The following SGCZ variants were observed in gnomAD, a reference collection of about 807,000 sequenced individuals.
SGCZ encodes the protein sarcoglycan zeta.
In SGCZ, 40 loss-of-function variants were observed where a neutral mutation model predicts 41.3. The observed-to-expected ratio is 0.97, with a 90% CI of 0.75 to 1.26. SGCZ has a LOEUF of 1.26. Among genes scored for constraint, SGCZ ranks in the 50% most tolerant of loss-of-function variants. The probability of loss-of-function intolerance (pLI) is 0.00; values close to 1 mark genes in which losing one functional copy is unlikely to be tolerated. For synonymous variants in SGCZ, 206 were observed against 137.5 expected, an observed-to-expected ratio of 1.50 and a Z score of -3.49; for missense variants, 552 against 369.8, an observed-to-expected ratio of 1.49 and a Z score of -4.04.
At chr8:14,306,054 A>G (rs1801340515) in intron 3 of SGCZ, among the ~76,000 whole-genome samples, 1 of 152,206 alleles carries the variant, frequency 6.6e-6, no homozygotes, top group Admixed American at 6.5e-5. Flanking sequence ...CTGCCTACTA[A>G]ACAAAGTTGA....
chr8:15,096,937 G>A (rs934472645), intron 1 of SGCZ, among the ~76,000 whole-genome samples: 3 of 151,954 alleles, frequency 2.0e-5, no homozygotes, highest in Non-Finnish European at 2.9e-5. Context: ...CACCCACCTC[G>A]GCCTCCCAAA....
intron 1 of SGCZ, among the ~76,000 whole-genome samples, chr8:15,237,060 G>T (rs1802150329): frequency 6.6e-6 from 1 of 152,208 alleles, no homozygotes; most frequent in African/African-American, 2.4e-5. Context: ...GGGGTCTCAC[G>T]AAGTTCTGGG....
chr8:14,200,026 A>G (rs1234332166), intron 4 of SGCZ, among the ~76,000 whole-genome samples: 1 of 152,218 alleles, frequency 6.6e-6, no homozygotes, highest in African/African-American at 2.4e-5. Flanking sequence ...ACGTAAACAG[A>G]AACGTATTCT....
intron 1 of SGCZ, among the ~76,000 whole-genome samples, chr8:14,904,238 T>G (rs1168832476): frequency 6.6e-6 from 1 of 152,068 alleles, no homozygotes; most frequent in African/African-American, 2.4e-5. Context: ...CTTCTTCCTT[T>G]GGGAAAATAC....
At position 14,087,596 on chromosome 8, in the gene SGCZ, G is replaced by A. The variant is rs1801558835; in HGVS notation, c.*2847C>T. Among the ~76,000 whole-genome samples, 1 of 151,322 alleles carries A rather than the reference G, an allele frequency of 6.6e-6. No homozygotes were observed. Among genetic ancestry groups the A allele is most frequent in the Admixed American group, 6.6e-5 (1 of 15,148 alleles). ...ACTCATTTTTCTCAGTGTCATTTGG[G>A]GAAGATGAAATTTATATAAGTAAAC... On this transcript the variant is annotated 3_prime_UTR_variant, in exon 8 of 8. Coordinates refer to ENST00000382080, the MANE Select transcript of SGCZ (RefSeq NM_139167.4).
chr8:15,166,912 G>A (rs1563161786), intron 1 of SGCZ, among the ~76,000 whole-genome samples: 2 of 152,190 alleles, frequency 1.3e-5, no homozygotes, highest in African/African-American at 4.8e-5. Context: ...GAGCTGAAAT[G>A]TTCATGAATA....
chr8:15,158,010 T>C (rs1799386552), intron 1 of SGCZ, among the ~76,000 whole-genome samples: 1 of 152,140 alleles, frequency 6.6e-6, no homozygotes, highest in Non-Finnish European at 1.5e-5. Context: ...TGTTGCTAGA[T>C]TTCCATTCTT....
At chr8:14,666,877 C>T (rs549441801) in intron 1 of SGCZ, among the ~76,000 whole-genome samples, 8 of 151,940 alleles carry the variant, frequency 5.3e-5, no homozygotes, top group Admixed American at 1.3e-4. Flanking sequence ...ACTATTTTAA[C>T]GTCCATTAGG....
chr8:14,687,616 C>T (rs571375722), intron 1 of SGCZ, among the ~76,000 whole-genome samples: 2 of 151,838 alleles, frequency 1.3e-5, no homozygotes, highest in East Asian at 3.9e-4. Flanking sequence ...TGGCTTGGTT[C>T]CAAGTCTTTG....
At chr8:14,377,070 TG>T (rs1211829037) in intron 2 of SGCZ, among the ~76,000 whole-genome samples, 1 of 152,142 alleles carries the variant, frequency 6.6e-6, no homozygotes, top group African/African-American at 2.4e-5. Flanking sequence ...TGACTCTTGA[TG>T]GGCCCCTATA....
chr8:14,205,311 G>T (rs1585230130), intron 4 of SGCZ, among the ~76,000 whole-genome samples: 1 of 151,880 alleles, frequency 6.6e-6, no homozygotes, highest in East Asian at 1.9e-4. Context: ...TGTTCTCTAG[G>T]GTTTTTGTGT....
chr8:15,127,906 T>C (rs1807763659), intron 1 of SGCZ, among the ~76,000 whole-genome samples: 1 of 152,222 alleles, frequency 6.6e-6, no homozygotes, highest in Non-Finnish European at 1.5e-5. Flanking sequence ...CAGCTATTTA[T>C]ATTCTATTTC....
intron 1 of SGCZ, among the ~76,000 whole-genome samples, chr8:14,847,109 GA>G (rs1291963994): frequency 9.9e-4 from 132 of 132,666 alleles, no homozygotes; most frequent in African/African-American, 1.6e-3. Context: ...GAAGAAAGAA[GA>G]AAGAAGAAGA....
At chr8:14,303,051 C>T (rs141043474) in intron 3 of SGCZ, among the ~76,000 whole-genome samples, 30 of 152,264 alleles carry the variant, frequency 2.0e-4, no homozygotes, top group African/African-American at 7.0e-4. Context: ...TTACAAGACC[C>T]AGGTCTAAGG....
intron 2 of SGCZ, among the ~76,000 whole-genome samples, chr8:14,532,995 C>A (rs1803181543): frequency 1.3e-5 from 2 of 151,968 alleles, no homozygotes; most frequent in Non-Finnish European, 2.9e-5. Flanking sequence ...TGCATTATTT[C>A]TTTGTTATTA....
intron 1 of SGCZ, among the ~76,000 whole-genome samples, chr8:15,067,706 C>G (rs749282024): frequency 6.6e-6 from 1 of 152,158 alleles, no homozygotes; most frequent in Non-Finnish European, 1.5e-5. Flanking sequence ...TACCTCAAAA[C>G]TCATTCATTT....
At position 14,124,510 on chromosome 8, in the gene SGCZ, G is replaced by C. The variant is rs140506047; in HGVS notation, c.548-16275C>G. Among the ~76,000 whole-genome samples, 841 of 152,240 alleles carry C rather than the reference G, an allele frequency of 5.5e-3. 6 individuals are homozygous for C. Among genetic ancestry groups the C allele is most frequent in the African/African-American group, 0.019 (800 of 41,524 alleles). On this transcript the variant is annotated intron_variant, in intron 5 of 7. Transcript: ENST00000382080. ...ATACAGTTGACTTAAAACTAAAATA[G>C]TGCTTCTCAAATTGCAATAGACATT...
In SGCZ at chr8:14,624,318, T is replaced by C. The variant is rs565329181; in HGVS notation, c.40-69392A>G. Among the ~76,000 whole-genome samples, 23 of 152,246 alleles carry C rather than the reference T, an allele frequency of 1.5e-4. 1 individual carries two copies. The highest frequency in any genetic ancestry group is 1.3e-3 in the Admixed American group (20 of 15,270). Reference sequence around the variant, plus strand: ...TAATGCCAAGAAAGTGATGTCTTTATGGTTCTAATGTTTCCTCGGCCAACT... The same window carrying C: ...TAATGCCAAGAAAGTGATGTCTTTACGGTTCTAATGTTTCCTCGGCCAACT... On this transcript the variant is annotated intron_variant, in intron 1 of 7. Coordinates refer to ENST00000382080, the MANE Select transcript of SGCZ (RefSeq NM_139167.4).
intron 5 of SGCZ, among the ~76,000 whole-genome samples, chr8:14,159,099 T>C (rs1563159517): frequency 1.3e-5 from 2 of 152,100 alleles, no homozygotes; most frequent in Non-Finnish European, 1.5e-5. Flanking sequence ...TCATGATATA[T>C]AGGAAATCAG....
Sources: allele counts gnomAD v4.1 joint callset (sites outside exome capture counted in the v4.1 genomes callset), GRCh38; gene constraint gnomAD v4.1.1; transcripts MANE v1.5; gene names NCBI Gene and HGNC (gene_info 2026-07-23, HGNC 2026-07-21).